PRG4: variants seen among roughly 807,000 people sequenced by gnomAD.
PRG4 encodes the protein proteoglycan 4.
A neutral mutation model predicts 91.2 loss-of-function variants in PRG4; 61 were observed. The ratio of observed to expected loss-of-function variants is 0.67; its 90% CI spans 0.54 to 0.83. The LOEUF is 0.83. PRG4 is among the 40% of genes least tolerant of loss of function. The pLI is 0.00. For missense variants in PRG4, 1,564 were observed against 1,714.2 expected, an observed-to-expected ratio of 0.91 and a Z score of 1.55; for synonymous variants, 576 against 614.2, an observed-to-expected ratio of 0.94 and a Z score of 0.92.
At position 186,308,974 on chromosome 1, in the gene PRG4, C is replaced by G; in HGVS notation, c.3255C>G (p.Ser1085=). The G allele has an allele frequency of 6.2e-7, 1 of 1,608,582 alleles. No homozygotes were observed. Among genetic ancestry groups the G allele is most frequent in the Non-Finnish European group, 8.5e-7 (1 of 1,177,378 alleles). Residue 1085 remains serine, a synonymous_variant, in exon 7 of 13, where the codon TCC becomes TCG. Transcript: ENST00000445192. The part of the protein sequence containing the change: ...TTTRPNQTPN[S]KLVEVNPKSE... ...CCAGACCTAACCAAACTCCAAACTC[C>G]AAACTAGTTGAAGTAAATCCAAAGA...
chr1:186,311,088 T>C lies in PRG4; in HGVS notation c.3554T>C (p.Ile1185Thr). ...AGTCCACCATCTCCAGCTCGCAGAA[T>C]TACTGAAGTTTGGGGTATTCCTTCC... ...PFSPPSPARR[I>T]TEVWGIPSPI... is the part of the protein sequence containing the mutation. Residue 1185 changes from isoleucine (I) to threonine (T), a missense_variant, in exon 9 of 13, where the codon ATT becomes ACT. Physicochemically the swap from Ile to Thr is moderately conservative, Grantham distance 89. Coordinates refer to ENST00000445192, the MANE Select transcript of PRG4 (RefSeq NM_005807.6). 1 of 1,613,884 alleles carries C rather than the reference T, an allele frequency of 6.2e-7. No individual in the cohort carries two copies.
chr1:186,312,541 C>T lies in PRG4; in HGVS notation c.3991+169C>T, dbSNP rs1407906766. The T allele has an allele frequency of 3.7e-6, 3 of 814,590 alleles. No individual in the cohort carries two copies. In the African/African-American group the frequency reaches 5.2e-5, roughly 14 times the overall value. The allele number at this position is 814,590 out of a possible 1,614,324, so 50.5% of individuals were successfully genotyped here. A position where few individuals can be genotyped will look rare whatever the true frequency, so the allele number is the denominator to read the frequency against. ...CTTAGTGAATAACCAAAGACCAATA[C>T]TTTCTTTTTCCTTGTGGGTAAGTAA... is the stretch of plus-strand genomic sequence containing the variant. On this transcript the variant is annotated intron_variant, in intron 11 of 12. Coordinates refer to ENST00000445192, the MANE Select transcript of PRG4 (RefSeq NM_005807.6).
chr1:186,313,248 A>G, intron 12 of PRG4: 1 of 321,978 alleles, frequency 3.1e-6, no homozygotes, highest in Non-Finnish European at 5.8e-6. Flanking sequence ...AAGATCAGAA[A>G]GAAGTTCCTG....
In PRG4 at chr1:186,300,143, C is replaced by A. The variant is rs1656104991; in HGVS notation, c.129C>A (p.Thr43=). 9 of 1,613,892 alleles carry A rather than the reference C, an allele frequency of 5.6e-6. No homozygotes were observed. Among genetic ancestry groups the A allele is most frequent in the Non-Finnish European group, 7.6e-6 (9 of 1,179,896 alleles). The stretch of plus-strand genomic sequence containing the variant: ...GGGAAGGGTATTCTAGAGATGCCAC[C>A]TGCAACTGTGATTATAACTGTCAAC... The part of the protein sequence containing the change: ...RCGEGYSRDA[T]CNCDYNCQHY... Residue 43 remains threonine, a synonymous_variant, in exon 3 of 13, where the codon ACC becomes ACA. Transcript: ENST00000445192.
At chr1:186,298,818 T>G (rs946239114) in intron 2 of PRG4, among the ~76,000 whole-genome samples, 1 of 152,190 alleles carries the variant, frequency 6.6e-6, no homozygotes, top group Non-Finnish European at 1.5e-5. Flanking sequence ...CTCTTGATAC[T>G]GTCTTGTCTG....
chr1:186,301,680 C>T lies in PRG4; in HGVS notation c.288C>T (p.Cys96=). The T allele has an allele frequency of 6.2e-7, 1 of 1,613,694 alleles. No homozygotes were observed. Among genetic ancestry groups the T allele is most frequent in the Non-Finnish European group, 8.5e-7 (1 of 1,179,654 alleles). ...CDAQCKKYDK[C]CPDYESFCAE... is the part of the protein sequence containing the mutation. ...CCCAATGTAAGAAGTATGACAAGTG[C>T]TGTCCCGATTATGAGAGTTTCTGTG... is the stretch of plus-strand genomic sequence containing the variant. Residue 96 remains cysteine, a synonymous_variant, in exon 4 of 13, where the codon TGC becomes TGT. Coordinates refer to ENST00000445192, the MANE Select transcript of PRG4 (RefSeq NM_005807.6).
rs1440751281 is a variant in PRG4 at position 186,311,179 on chromosome 1, A to G, written c.3636+9A>G. On this transcript the variant is annotated intron_variant, in intron 9 of 12. Transcript: ENST00000445192. ...AAACTTTCTTCTTTAAGGTAACACA[A>G]ATATCTTTGTGAGAGAAATTTAATA... is the stretch of plus-strand genomic sequence containing the variant. 6.2e-7 allele frequency: 1 copy of G among 1,606,046 alleles called. No individual in the cohort carries two copies. Among genetic ancestry groups the G allele is most frequent in the Admixed American group, 1.7e-5 (1 of 60,006 alleles).
chr1:186,301,870 A>C (rs1488536190), intron 4 of PRG4, among the ~76,000 whole-genome samples, 159 bp downstream of exon 4: 4 of 152,186 alleles, frequency 2.6e-5, no homozygotes, highest in Admixed American at 1.3e-4. Context: ...AGATGAATTA[A>C]AGAAGAAAAG....
chr1:186,311,231 C>A, intron 9 of PRG4, 61 bp downstream of exon 9: 2 of 1,529,988 alleles, frequency 1.3e-6, no homozygotes, highest in African/African-American at 1.4e-5. Context: ...TTATTTATTA[C>A]AACATATATT....
In PRG4 at chr1:186,312,384, A is replaced by G; in HGVS notation, c.3991+12A>G. On this transcript the variant is annotated intron_variant, in intron 11 of 12. Transcript: ENST00000445192. ...TTATCAAGACAAAGGTAACATTTTT[A>G]TTGTGTTAAAAAAATCCTTAAACAT... The G allele has an allele frequency of 2.5e-6, 4 of 1,598,260 alleles. No individual in the cohort carries two copies. Among genetic ancestry groups the G allele is most frequent in the Non-Finnish European group, 3.4e-6 (4 of 1,172,998 alleles).
rs566456042 is a variant in PRG4, at chr1:186,306,637, C to A, written c.918C>A (p.Ser306=). 4.3e-6 allele frequency: 7 copies of A among 1,613,484 alleles called. No individual in the cohort carries two copies. Among genetic ancestry groups the A allele is most frequent in the East Asian group, 4.5e-5 (2 of 44,880 alleles). The change falls in exon 7 of 13, where the codon TCC becomes TCA. Residue 306 remains serine (S), a synonymous_variant. Transcript: ENST00000445192. The part of the protein sequence containing the change: ...TSTDGKEKTT[S]AKETQSIEKT... ...CTGATGGAAAAGAGAAGACTACTTC[C>A]GCTAAAGAGACACAAAGTATAGAGA... is the stretch of plus-strand genomic sequence containing the variant.
intron 11 of PRG4, 132 bp downstream of exon 11, chr1:186,312,504 T>G: frequency 1.0e-6 from 1 of 955,856 alleles, no homozygotes; most frequent in South Asian, 1.7e-5. Flanking sequence ...GATGAAAAAC[T>G]CATCCACTTG....
chr1:186,299,985 G>C, intron 2 of PRG4, 106 bp from the exon 3 acceptor site: 2 of 1,370,228 alleles, frequency 1.5e-6, no homozygotes, highest in Non-Finnish European at 1.0e-6. Flanking sequence ...ACACCTTCTC[G>C]ATCAATAAAA....
Position 186,307,709 on chromosome 1 carries a change from C to G in PRG4, c.1990C>G (p.Pro664Ala), listed in dbSNP as rs1246396485. 5 of 1,609,638 alleles carry G rather than the reference C, an allele frequency of 3.1e-6. No individual in the cohort carries two copies. Among genetic ancestry groups the G allele is most frequent in the Admixed American group, 1.7e-5 (1 of 59,636 alleles). The change falls in exon 7 of 13, where the codon CCT (proline) becomes GCT (alanine). Residue 664 changes from proline to alanine, a missense_variant. Physicochemically the swap from Pro to Ala is conservative, Grantham distance 27. Transcript: ENST00000445192. ...GCCCACACCCACCACCCCTGAGGAG[C>G]CTGCTCCCACCACTCCCAAGGCAGC... ...EEPTPTTPEE[P>A]APTTPKAAAP...
chr1:186,307,144 ACCCACCACTCCCAAAGAGC>A lies in PRG4; in HGVS notation c.1427_1445del (p.Pro476LeufsTer430). ...CTGCACCCACCACCAAGGAGCCTGC[ACCCACCACTCCCAAAGAGC>A]CTGCACCCACTGCCCCCAAGAAGCC... On this transcript the variant is annotated frameshift_variant, in exon 7 of 13. Transcript: ENST00000445192. LOFTEE classifies it high-confidence loss of function. 5.3e-6 allele frequency: 6 copies of A among 1,135,922 alleles called. No homozygotes were observed. Among genetic ancestry groups the A allele is most frequent in the Non-Finnish European group, 7.3e-6 (6 of 823,420 alleles). 70.4% of individuals were successfully genotyped at this position (1,135,922 alleles called of 1,614,324 possible). A position where few individuals can be genotyped will look rare whatever the true frequency, so the allele number is the denominator to read the frequency against.
chr1:186,306,504 CCA>C lies in PRG4; in HGVS notation c.786_787del (p.Leu264SerfsTer3). On this transcript the variant is annotated frameshift_variant, in exon 7 of 13. Transcript: ENST00000445192. LOFTEE classifies it high-confidence loss of function. ...ACAGCAAAACCAATAAATCCCAGACCCAGTCTTCCACCTAATTCTGATACATC... is the reference window on the plus strand; with the variant it reads ...ACAGCAAAACCAATAAATCCCAGACCGTCTTCCACCTAATTCTGATACATC... The C allele has an allele frequency of 6.2e-7, 1 of 1,613,380 alleles. No homozygotes were observed. The highest frequency in any genetic ancestry group is 1.1e-5 in the South Asian group (1 of 91,070).
rs61729244 is a variant in PRG4 at position 186,308,867 on chromosome 1, C to G, written c.3148C>G (p.Pro1050Ala). The G allele has an allele frequency of 4.8e-5, 78 of 1,613,720 alleles. No homozygotes were observed. The African/African-American group carries it at 9.3e-4, about 19-fold the overall frequency. ...MPRVRKPKTT[P>A]TPRKMTSTMP... ...TAGAGTGAGAAAACCAAAGACGACA[C>G]CAACTCCCCGCAAGATGACATCAAC... Residue 1050 changes from proline (P) to alanine (A), a missense_variant, in exon 7 of 13, where the codon CCA becomes GCA. Around this residue, in one of 3 missense-constraint regions of PRG4, gnomAD observed 1,079 missense variants for 1,162.2 expected, o/e 0.93. Coordinates refer to ENST00000445192, the MANE Select transcript of PRG4 (RefSeq NM_005807.6).
rs1433332878 is a variant in PRG4, at chr1:186,308,258, C to T, written c.2539C>T (p.Pro847Ser). Reference protein sequence around the residue: ...TTPKKPAPTTPETPPPTTSEV... With the variant: ...TTPKKPAPTTSETPPPTTSEV... ...CCCCAAGAAGCCTGCTCCAACTACT[C>T]CTGAGACACCTCCTCCAACCACTTC... The change falls in exon 7 of 13, where the codon CCT (proline) becomes TCT (serine). Residue 847 changes from proline to serine, a missense_variant. By Grantham distance (74) the Pro-to-Ser change is moderately conservative. Transcript: ENST00000445192. 2 of 1,613,996 alleles carry T rather than the reference C, an allele frequency of 1.2e-6. No individual in the cohort carries two copies. The highest frequency in any genetic ancestry group is 2.2e-5 in the East Asian group (1 of 44,882).
At chr1:186,299,966 A>T in intron 2 of PRG4, 125 bp from the exon 3 acceptor site, 1 of 1,160,496 alleles carries the variant, frequency 8.6e-7, no homozygotes, top group Non-Finnish European at 1.3e-6. Flanking sequence ...TATTGCTGAC[A>T]TCATTCCAAC....
Sources: allele counts gnomAD v4.1 joint callset (sites outside exome capture counted in the v4.1 genomes callset), GRCh38; gene constraint gnomAD v4.1.1; regional missense constraint gnomAD v4.1.1; transcripts MANE v1.5; gene names NCBI Gene and HGNC (gene_info 2026-07-23, HGNC 2026-07-21).